ACBD3: variants seen among roughly 807,000 people sequenced by gnomAD.
The protein encoded by ACBD3 is acyl-CoA binding domain containing 3.
In ACBD3, 30 loss-of-function variants were observed where a neutral mutation model predicts 66.9. That is an observed-to-expected ratio of 0.45 (90% confidence interval 0.34 to 0.61). ACBD3 has a LOEUF of 0.61. ACBD3 is among the 20% of genes least tolerant of loss of function. The pLI is 0.02. For synonymous variants in ACBD3, 278 were observed against 259.8 expected (o/e 1.07, Z -0.68); for missense variants, 544 against 664.5 (o/e 0.82, Z 1.99).
In ACBD3 at chr1:226,146,225, GGACACTGTAACTACGGGCTCTCATAA is replaced by G. The variant is rs1422120743; in HGVS notation, c.*359_*384del. 1 of 166,192 alleles carries G rather than the reference GGACACTGTAACTACGGGCTCTCATAA, an allele frequency of 6.0e-6. No homozygotes were observed. Among genetic ancestry groups the G allele is most frequent in the Non-Finnish European group, 1.3e-5 (1 of 76,612 alleles). 10.3% of individuals were successfully genotyped at this position (166,192 alleles called of 1,614,324 possible). A position where few individuals can be genotyped will look rare whatever the true frequency, so the allele number is the denominator to read the frequency against. ...GTTAACTTATGGATTTCAAATTAGAGGACACTGTAACTACGGGCTCTCATAAGACACATGGAGCAGGCAGCAAGGGG... is the reference window on the plus strand; with the variant it reads ...GTTAACTTATGGATTTCAAATTAGAGGACACATGGAGCAGGCAGCAAGGGG... On this transcript the variant is annotated 3_prime_UTR_variant, in exon 8 of 8. Transcript: ENST00000366812.
intron 3 of ACBD3, among the ~76,000 whole-genome samples, chr1:226,163,556 C>T (rs1659810560): frequency 6.6e-6 from 1 of 151,908 alleles, no homozygotes; most frequent in Non-Finnish European, 1.5e-5. Context: ...AAGCAATTTC[C>T]TATTATCTTA....
In ACBD3 at chr1:226,145,427, C is replaced by T. The variant is rs916345992; in HGVS notation, c.*1183G>A. On this transcript the variant is annotated 3_prime_UTR_variant, in exon 8 of 8. Transcript: ENST00000366812. Reference sequence around the variant, plus strand: ...TGTCATTTTCTATCTATACCACTCTCCCTTCTGAAAACAAGAATCACTAGC... The same window carrying T: ...TGTCATTTTCTATCTATACCACTCTTCCTTCTGAAAACAAGAATCACTAGC... The T allele has an allele frequency of 6.6e-6, 1 of 152,436 alleles. No homozygotes were observed. The highest frequency in any genetic ancestry group is 1.9e-4 in the East Asian group (1 of 5,196). The allele number at this position is 152,436 out of a possible 1,614,324, so 9.4% of individuals were successfully genotyped here.
At chr1:226,182,826 T>C (rs948262492) in intron 1 of ACBD3, among the ~76,000 whole-genome samples, 3 of 152,212 alleles carry the variant, frequency 2.0e-5, no homozygotes, top group African/African-American at 7.2e-5. Flanking sequence ...CACTGGGTCC[T>C]TAACTCCTCT....
At chr1:226,165,550 G>A (rs1659861780) in intron 2 of ACBD3, among the ~76,000 whole-genome samples, 1 of 151,914 alleles carries the variant, frequency 6.6e-6, no homozygotes, top group Admixed American at 6.6e-5. Context: ...TTTTTTTTAT[G>A]CCTCAATAAG....
intron 1 of ACBD3, among the ~76,000 whole-genome samples, chr1:226,172,066 AGTTGCTTGAACCTGGGAGGCGGAG>A (rs1660003254): frequency 6.9e-6 from 1 of 144,776 alleles, no homozygotes; most frequent in South Asian, 2.2e-4. Flanking sequence ...AAAGCAGGAG[AGTTGCTTGAACCTGGGAGGCGGAG>A]GTTGCAGTGA....
At chr1:226,184,368 G>T (rs949849648) in intron 1 of ACBD3, among the ~76,000 whole-genome samples, 1 of 152,110 alleles carries the variant, frequency 6.6e-6, no homozygotes, top group Non-Finnish European at 1.5e-5. Flanking sequence ...CTCCTTTTTA[G>T]TACCTGGATA....
chr1:226,178,479 G>T (rs1309342240), intron 1 of ACBD3, among the ~76,000 whole-genome samples: 1 of 149,498 alleles, frequency 6.7e-6, no homozygotes, highest in Admixed American at 6.7e-5. Flanking sequence ...GGAGGCTGAG[G>T]CAGGAGAATG....
In ACBD3 at chr1:226,186,715, C is replaced by G. The variant is rs763630567; in HGVS notation, c.-40G>C. On this transcript the variant is annotated 5_prime_UTR_variant, in exon 1 of 8. Coordinates refer to ENST00000366812, the MANE Select transcript of ACBD3 (RefSeq NM_022735.4). ...CCTCCTCAGCGGGGACAGACGGCAG[C>G]CACGTATCGACTTCCTGCTGACCTC... 5 of 1,441,912 alleles carry G rather than the reference C, an allele frequency of 3.5e-6. No homozygotes were observed. Among genetic ancestry groups the G allele is most frequent in the Non-Finnish European group, 4.5e-6 (5 of 1,101,164 alleles). The allele number at this position is 1,441,912 out of a possible 1,614,324, so 89.3% of individuals were successfully genotyped here. A position where few individuals can be genotyped will look rare whatever the true frequency, so the allele number is the denominator to read the frequency against.
chr1:226,164,838 T>C lies in ACBD3; in HGVS notation c.520A>G (p.Thr174Ala), dbSNP rs1211616017. 1 of 1,611,768 alleles carries C rather than the reference T, an allele frequency of 6.2e-7. No homozygotes were observed. The highest frequency in any genetic ancestry group is 1.3e-5 in the African/African-American group (1 of 74,884). Residue 174 changes from threonine to alanine, a missense_variant, in exon 3 of 8, where the codon ACA becomes GCA. Transcript: ENST00000366812. ...TCTATTTTGTGGGACGCAACATATGTTGAAAAGAGATGGCAACACCTATTT... is the reference window on the plus strand; with the variant it reads ...TCTATTTTGTGGGACGCAACATATGCTGAAAAGAGATGGCAACACCTATTT... The part of the protein sequence containing the change: ...LLNRCCHLFS[T>A]YVASHKIEKE...
intron 1 of ACBD3, 128 bp downstream of exon 1, chr1:226,186,262 G>A (rs1656302293): frequency 4.1e-6 from 5 of 1,221,626 alleles, no homozygotes; most frequent in Non-Finnish European, 5.3e-6. Flanking sequence ...AGGGAACCCC[G>A]CTTGAGTCAC....
At chr1:226,180,654 G>C (rs961300084) in intron 1 of ACBD3, among the ~76,000 whole-genome samples, 17 of 152,134 alleles carry the variant, frequency 1.1e-4, no homozygotes, top group Admixed American at 5.9e-4. Context: ...TTAGTGCACT[G>C]CATGTGTGAT....
chr1:226,159,716 C>CA (rs1190434197), intron 4 of ACBD3, among the ~76,000 whole-genome samples: 3 of 152,182 alleles, frequency 2.0e-5, no homozygotes, highest in Non-Finnish European at 2.9e-5. Flanking sequence ...AACCCTCTGA[C>CA]AGAGGGTTCA....
At chr1:226,174,223 C>T (rs1353839588) in intron 1 of ACBD3, among the ~76,000 whole-genome samples, 1 of 152,122 alleles carries the variant, frequency 6.6e-6, no homozygotes, top group African/African-American at 2.4e-5. Flanking sequence ...CTATTTCAGT[C>T]CTCCCAGAAG....
intron 1 of ACBD3, among the ~76,000 whole-genome samples, chr1:226,183,676 C>A (rs944081148): frequency 3.3e-5 from 5 of 151,662 alleles, no homozygotes; most frequent in African/African-American, 1.2e-4. Context: ...GGCAGATCAC[C>A]TGAGGTCGGC....
At chr1:226,159,907 T>G (rs1659739096) in intron 4 of ACBD3, among the ~76,000 whole-genome samples, 1 of 152,032 alleles carries the variant, frequency 6.6e-6, no homozygotes, top group Admixed American at 6.6e-5. Flanking sequence ...TAAAAAACAG[T>G]AAGAGGCAGA....
In ACBD3 at chr1:226,180,997, T is replaced by G. The variant is rs1399766775; in HGVS notation, c.286+5393A>C. On this transcript the variant is annotated intron_variant, in intron 1 of 7. Coordinates refer to ENST00000366812, the MANE Select transcript of ACBD3 (RefSeq NM_022735.4). The stretch of plus-strand genomic sequence containing the variant: ...CTCGGTGACAGAATGAGACTCCATC[T>G]CAAAAAAAAAAAAAAAAACAATGAC... Among the ~76,000 whole-genome samples the G allele has an allele frequency of 2.6e-5, 3 of 113,776 alleles. No individual in the cohort carries two copies. In the Admixed American group the frequency reaches 2.9e-4, roughly 11 times the overall value. The allele number at this position is 113,776 out of a possible 152,430, so 74.6% of individuals were successfully genotyped here. A position where few individuals can be genotyped will look rare whatever the true frequency, so the allele number is the denominator to read the frequency against.
At chr1:226,181,607 A>G (rs1337511592) in intron 1 of ACBD3, among the ~76,000 whole-genome samples, 1 of 152,224 alleles carries the variant, frequency 6.6e-6, no homozygotes. Context: ...ACCCTTACAG[A>G]AGGCCTCTTG....
chr1:226,170,333 ATT>A (rs71574563), intron 1 of ACBD3, among the ~76,000 whole-genome samples: 3 of 109,808 alleles, frequency 2.7e-5, no homozygotes, highest in African/African-American at 3.6e-5. Context: ...AATTTTTTGA[ATT>A]TTTTTTTTTT....
At chr1:226,154,079 T>C (rs773525696) in intron 6 of ACBD3, among the ~76,000 whole-genome samples, 16 of 152,240 alleles carry the variant, frequency 1.1e-4, no homozygotes, top group Non-Finnish European at 2.4e-4. Flanking sequence ...ATCAACATCT[T>C]GACTGCAATC....
Sources: allele counts gnomAD v4.1 joint callset (sites outside exome capture counted in the v4.1 genomes callset), GRCh38; gene constraint gnomAD v4.1.1; transcripts MANE v1.5; gene names NCBI Gene and HGNC (gene_info 2026-07-23, HGNC 2026-07-21).